The following TASP1 variants were observed in gnomAD, a reference collection of about 807,000 sequenced individuals.
TASP1 encodes the protein threonine aspartase 1.
A neutral mutation model predicts 56.6 loss-of-function variants in TASP1; 16 were observed. The observed-to-expected ratio is 0.28, with a 90% CI of 0.19 to 0.43. TASP1 has a LOEUF of 0.43. TASP1 is among the 20% of genes least tolerant of loss of function. The pLI, the probability that TASP1 is intolerant of heterozygous loss-of-function variation, is 1.00. For synonymous variants in TASP1, 179 were observed against 184.2 expected (o/e 0.97, Z 0.23); for missense variants, 393 against 511.6 (o/e 0.77, Z 2.24).
At chr20:13,528,336 A>C in intron 10 of TASP1, 97 bp downstream of exon 10, 1 of 1,042,024 alleles carries the variant, frequency 9.6e-7, no homozygotes, top group African/African-American at 1.6e-5. Context: ...ACACTGTCAT[A>C]GCACATGTTC....
At chr20:13,280,465 T>C in the TASP1 span, among the ~76,000 whole-genome samples, 1 of 148,088 alleles carries the variant, frequency 6.8e-6, no homozygotes, top group South Asian at 2.2e-4. Flanking sequence ...GTAGGATAAG[T>C]GAGGTAACAC....
chr20:13,381,785 C>G, the TASP1 span, among the ~76,000 whole-genome samples: 4 of 152,208 alleles, frequency 2.6e-5, no homozygotes, highest in Non-Finnish European at 4.4e-5. Flanking sequence ...ATTCTGGGTG[C>G]TGGGCAGGGC....
chr20:13,533,209 A>C (rs2045288223), intron 9 of TASP1, among the ~76,000 whole-genome samples: 1 of 152,192 alleles, frequency 6.6e-6, no homozygotes, highest in African/African-American at 2.4e-5. Context: ...AACAAGACAC[A>C]TTCCATCTAT....
At chr20:13,566,449 A>C (rs934661571) in intron 7 of TASP1, among the ~76,000 whole-genome samples, 4 of 152,126 alleles carry the variant, frequency 2.6e-5, no homozygotes, top group African/African-American at 9.7e-5. Context: ...GTAAATGGCT[A>C]AACAGTAGTA....
intron 12 of TASP1, among the ~76,000 whole-genome samples, chr20:13,432,617 C>T (rs1318525226): frequency 2.6e-5 from 4 of 152,120 alleles, no homozygotes; most frequent in African/African-American, 9.7e-5. Context: ...AGCATCAACG[C>T]CTCCAGTTAA....
chr20:13,475,535 CTATT>C (rs2044693888), intron 11 of TASP1, among the ~76,000 whole-genome samples: 2 of 152,182 alleles, frequency 1.3e-5, no homozygotes, highest in South Asian at 4.2e-4. Flanking sequence ...ATGATTGTCC[CTATT>C]TAAAAACATC....
the TASP1 span, among the ~76,000 whole-genome samples, chr20:13,336,608 G>T: frequency 6.6e-6 from 1 of 152,182 alleles, no homozygotes; most frequent in East Asian, 1.9e-4. Flanking sequence ...CATCATGAAA[G>T]TTTGAGAGAG....
chr20:13,140,168 C>T, the TASP1 span, among the ~76,000 whole-genome samples: 4 of 152,150 alleles, frequency 2.6e-5, no homozygotes, highest in East Asian at 5.8e-4. Flanking sequence ...TAGTAGCATA[C>T]AGACATTAAG....
chr20:13,187,385 A>G, the TASP1 span, among the ~76,000 whole-genome samples: 1 of 152,054 alleles, frequency 6.6e-6, no homozygotes, highest in East Asian at 1.9e-4. Context: ...AGAGAACACT[A>G]TAAAGATAAA....
chr20:13,600,069 A>C (rs962796594), intron 4 of TASP1, among the ~76,000 whole-genome samples: 3 of 152,204 alleles, frequency 2.0e-5, no homozygotes, highest in African/African-American at 7.2e-5. Flanking sequence ...CTTGGGAATA[A>C]ACATAATACA....
intron 10 of TASP1, among the ~76,000 whole-genome samples, chr20:13,500,554 TG>T (rs2043908382): frequency 6.6e-6 from 1 of 151,572 alleles, no homozygotes; most frequent in Non-Finnish European, 1.5e-5. Flanking sequence ...TCCTAAAAGA[TG>T]GGAAACTCCA....
intron 8 of TASP1, among the ~76,000 whole-genome samples, chr20:13,547,512 AAAAGTAGCTTGTAGCT>A: frequency 6.6e-6 from 1 of 152,356 alleles, no homozygotes; most frequent in East Asian, 1.9e-4. Flanking sequence ...AAGATAATGG[AAAAGTAGCTTGTAGCT>A]AGGTTTCAAG....
chr20:13,476,764 C>T (rs151094497), intron 11 of TASP1, among the ~76,000 whole-genome samples: 9 of 152,104 alleles, frequency 5.9e-5, no homozygotes, highest in East Asian at 1.9e-4. Context: ...CAAAGAGATA[C>T]GCTTAATTTA....
chr20:13,339,022 AT>A, the TASP1 span, among the ~76,000 whole-genome samples: 1 of 152,168 alleles, frequency 6.6e-6, no homozygotes, highest in African/African-American at 2.4e-5. Context: ...CTAATCATAC[AT>A]CATAGGAAAG....
At chr20:13,345,254 AT>A in the TASP1 span, among the ~76,000 whole-genome samples, 2 of 152,200 alleles carry the variant, frequency 1.3e-5, no homozygotes, top group Non-Finnish European at 2.9e-5. Context: ...ATGCATATTG[AT>A]TTTTAAAAAT....
chr20:13,634,750 TG>T (rs1199768040), intron 1 of TASP1, among the ~76,000 whole-genome samples: 1 of 125,274 alleles, frequency 8.0e-6, no homozygotes, highest in Non-Finnish European at 1.7e-5. Context: ...AAAAAAAGCC[TG>T]GGCTCAGTGG....
At chr20:13,306,581 A>AAAAAAAAC in the TASP1 span, among the ~76,000 whole-genome samples, 1 of 150,716 alleles carries the variant, frequency 6.6e-6, no homozygotes, top group Non-Finnish European at 1.5e-5. Flanking sequence ...AAAAAAAAAA[A>AAAAAAAAC]AAAAAGCAAA....
At chr20:13,302,447 A>C in the TASP1 span, among the ~76,000 whole-genome samples, 1 of 152,118 alleles carries the variant, frequency 6.6e-6, no homozygotes, top group Non-Finnish European at 1.5e-5. Context: ...GGAAATCAAG[A>C]CCTCATGCCT....
intron 11 of TASP1, among the ~76,000 whole-genome samples, chr20:13,467,353 C>G (rs753159250): frequency 6.6e-6 from 1 of 151,032 alleles, no homozygotes; most frequent in African/African-American, 2.4e-5. Flanking sequence ...ATGCCTAAGA[C>G]TACAAATAGT....
Sources: allele counts gnomAD v4.1 joint callset (sites outside exome capture counted in the v4.1 genomes callset), GRCh38; gene constraint gnomAD v4.1.1; transcripts MANE v1.5; gene names NCBI Gene and HGNC (gene_info 2026-07-23, HGNC 2026-07-21).